Variants in FAP observed in about 807,000 individuals in gnomAD.
The protein encoded by FAP is fibroblast activation protein alpha, also known as prolyl endopeptidase FAP.
A neutral mutation model predicts 126.5 loss-of-function variants in FAP; 110 were observed. That is an observed-to-expected ratio of 0.87 (90% confidence interval 0.74 to 1.02). The LOEUF (loss-of-function observed/expected upper bound fraction) is 1.02. FAP is among the 50% of genes least tolerant of loss of function. The probability of loss-of-function intolerance (pLI) is 0.00; values close to 1 mark genes in which losing one functional copy is unlikely to be tolerated. For missense variants in FAP, 919 were observed against 909.2 expected, an observed-to-expected ratio of 1.01 and a Z score of -0.14; for synonymous variants, 334 against 297.3, an observed-to-expected ratio of 1.12 and a Z score of -1.27.
intron 16 of FAP, among the ~76,000 whole-genome samples, chr2:162,195,326 T>C (rs554124531): frequency 1.3e-5 from 2 of 151,784 alleles, no homozygotes; most frequent in East Asian, 1.9e-4. Context: ...TGCACACTTG[T>C]GGGGGAAAGG....
intron 2 of FAP, among the ~76,000 whole-genome samples, chr2:162,228,595 T>G (rs540172869): frequency 6.4e-4 from 97 of 152,322 alleles, no homozygotes; most frequent in African/African-American, 2.2e-3. Flanking sequence ...CACTGAATAC[T>G]TAATAGAATT....
At chr2:162,229,166 T>A (rs1432827844) in intron 2 of FAP, among the ~76,000 whole-genome samples, 2 of 152,198 alleles carry the variant, frequency 1.3e-5, no homozygotes, top group African/African-American at 4.8e-5. Flanking sequence ...ACTTGTGTTA[T>A]GCTTAATTAA....
chr2:162,228,576 G>T (rs913458789), intron 2 of FAP, among the ~76,000 whole-genome samples: 1 of 151,982 alleles, frequency 6.6e-6, no homozygotes, highest in Non-Finnish European at 1.5e-5. Flanking sequence ...GAGCCCTTTT[G>T]CAACTAGACA....
chr2:162,243,339 T>C lies in FAP; in HGVS notation c.-12A>G, dbSNP rs1364339435. ...ATACTAACCTTCATTTTTCCAGATGTTTTTGAAAGTTAGCTAATTCTGTCT... is the reference window on the plus strand; with the variant it reads ...ATACTAACCTTCATTTTTCCAGATGCTTTTGAAAGTTAGCTAATTCTGTCT... On this transcript the variant is annotated 5_prime_UTR_variant, in exon 1 of 26. Transcript: ENST00000188790. The C allele has an allele frequency of 1.5e-5, 24 of 1,610,624 alleles. No homozygotes were observed. The highest frequency in any genetic ancestry group is 2.0e-5 in the Non-Finnish European group (23 of 1,178,302).
intron 20 of FAP, among the ~76,000 whole-genome samples, chr2:162,184,081 G>C (rs534276422): frequency 6.6e-6 from 1 of 152,088 alleles, no homozygotes; most frequent in Non-Finnish European, 1.5e-5. Flanking sequence ...GGAGCAAGGG[G>C]CTACACTGAA....
chr2:162,238,724 T>C (rs1328999357), intron 2 of FAP, among the ~76,000 whole-genome samples: 1 of 152,198 alleles, frequency 6.6e-6, no homozygotes, highest in Admixed American at 6.5e-5. Flanking sequence ...ATTTTAACTT[T>C]ACTACTAACA....
chr2:162,205,515 T>C (rs1333347430), intron 12 of FAP, among the ~76,000 whole-genome samples: 2 of 152,126 alleles, frequency 1.3e-5, no homozygotes, highest in Non-Finnish European at 2.9e-5. Context: ...CTCCCTTTTT[T>C]TTATTTTTTT....
chr2:162,237,303 G>A (rs1449886529), intron 2 of FAP, among the ~76,000 whole-genome samples: 1 of 152,118 alleles, frequency 6.6e-6, no homozygotes, highest in African/African-American at 2.4e-5. Context: ...ATGTGCCATG[G>A]TGGTTTGCTG....
At position 162,200,554 on chromosome 2, in the gene FAP, G is replaced by C; in HGVS notation, c.1277+12C>G. ...ACACATAGAAATACCAGAATGAATG[G>C]ACATAAATTACCTGTAGATGTTTCT... On this transcript the variant is annotated intron_variant, in intron 15 of 25. Coordinates refer to ENST00000188790, the MANE Select transcript of FAP (RefSeq NM_004460.5). 1 of 1,438,360 alleles carries C rather than the reference G, an allele frequency of 7.0e-7. No individual in the cohort carries two copies. The highest frequency in any genetic ancestry group is 9.7e-7 in the Non-Finnish European group (1 of 1,036,172). 89.1% of individuals were successfully genotyped at this position (1,438,360 alleles called of 1,614,324 possible).
chr2:162,234,873 G>A (rs1160243175), intron 2 of FAP, among the ~76,000 whole-genome samples: 2 of 152,138 alleles, frequency 1.3e-5, no homozygotes, highest in Non-Finnish European at 2.9e-5. Flanking sequence ...AGGCAGGGAG[G>A]GGAACCCGGG....
chr2:162,215,050 T>G (rs1469949098), intron 10 of FAP, among the ~76,000 whole-genome samples: 1 of 152,184 alleles, frequency 6.6e-6, no homozygotes, highest in African/African-American at 2.4e-5. Flanking sequence ...AATGATGTAT[T>G]GAGTCAAGTT....
chr2:162,180,789 G>A (rs906847927), intron 21 of FAP, among the ~76,000 whole-genome samples: 7 of 152,172 alleles, frequency 4.6e-5, no homozygotes, highest in Non-Finnish European at 7.4e-5. Flanking sequence ...AGTTAAGTTT[G>A]AGGTCCATGT....
intron 2 of FAP, among the ~76,000 whole-genome samples, chr2:162,236,202 G>C (rs1690122674): frequency 6.6e-6 from 1 of 152,108 alleles, no homozygotes; most frequent in Admixed American, 6.5e-5. Flanking sequence ...GATTTGGCAT[G>C]CTGGTATTTT....
chr2:162,173,297 G>C, intron 23 of FAP, 76 bp from the exon 24 acceptor site: 1 of 1,019,876 alleles, frequency 9.8e-7, no homozygotes, highest in Admixed American at 1.7e-5. Flanking sequence ...TTGTGCAATG[G>C]ACTTAGCACC....
At chr2:162,221,953 T>C (rs1040877534) in intron 6 of FAP, among the ~76,000 whole-genome samples, 1 of 151,986 alleles carries the variant, frequency 6.6e-6, no homozygotes, top group Non-Finnish European at 1.5e-5. Context: ...TGTATTTACC[T>C]GACCACCCCC....
chr2:162,224,536 C>CT lies in FAP; in HGVS notation c.289dup (p.Ser97LysfsTer12). 6.3e-7 allele frequency: 1 copy of CT among 1,586,218 alleles called. No individual in the cohort carries two copies. The highest frequency in any genetic ancestry group is 8.6e-7 in the Non-Finnish European group (1 of 1,166,796). ...TAAGCCGTAATTTGAAGCATTCACA[C>CT]TTTTCTGAAATTATGAAGAGGTTGA... On this transcript the variant is annotated frameshift_variant, in exon 5 of 26. Transcript: ENST00000188790. LOFTEE classifies it high-confidence loss of function.
chr2:162,218,148 A>G lies in FAP; in HGVS notation c.608-8T>C, dbSNP rs771496582. 2.5e-5 allele frequency: 40 copies of G among 1,589,052 alleles called. No individual in the cohort carries two copies. The highest frequency in any genetic ancestry group is 3.4e-5 in the Non-Finnish European group (40 of 1,165,862). ...TTGTAGCAAGCATTTCCTCTGAAAAATAAGTACTAGGATATTAACTATAAT... is the reference window on the plus strand; with the variant it reads ...TTGTAGCAAGCATTTCCTCTGAAAAGTAAGTACTAGGATATTAACTATAAT... On this transcript the variant is annotated splice_polypyrimidine_tract_variant and splice_region_variant and intron_variant, in intron 8 of 25. Coordinates refer to ENST00000188790, the MANE Select transcript of FAP (RefSeq NM_004460.5).
chr2:162,175,128 T>C, intron 21 of FAP, 162 bp from the exon 22 acceptor site: 5 of 550,372 alleles, frequency 9.1e-6, no homozygotes, highest in Non-Finnish European at 1.6e-5. Context: ...AAGCTTCAGA[T>C]AAATGACCAG....
At chr2:162,203,683 T>A (rs969399628) in intron 12 of FAP, among the ~76,000 whole-genome samples, 4 of 152,094 alleles carry the variant, frequency 2.6e-5, no homozygotes, top group African/African-American at 9.7e-5. Flanking sequence ...GTTGCCTATG[T>A]TGGGGGAGGT....
Sources: allele counts gnomAD v4.1 joint callset (sites outside exome capture counted in the v4.1 genomes callset), GRCh38; gene constraint gnomAD v4.1.1; transcripts MANE v1.5; gene names NCBI Gene and HGNC (gene_info 2026-07-23, HGNC 2026-07-21).